Variants in IFRD1 observed in about 807,000 individuals in gnomAD.
The protein encoded by IFRD1 is interferon related developmental regulator 1, also known as interferon-related developmental regulator 1.
Under a neutral mutation model 52.9 loss-of-function variants are expected in IFRD1, and 35 were observed. The ratio of observed to expected loss-of-function variants is 0.66; its 90% CI spans 0.51 to 0.88. The LOEUF (loss-of-function observed/expected upper bound fraction) is 0.88. Ranked by LOEUF, IFRD1 falls within the 40% of genes least tolerant of loss-of-function variation. The pLI is 0.00. For synonymous variants in IFRD1, 184 were observed against 188.4 expected, an observed-to-expected ratio of 0.98 and a Z score of 0.19; for missense variants, 517 against 550.8, an observed-to-expected ratio of 0.94 and a Z score of 0.61.
chr7:112,443,283 C>G (rs1318808626), intron 1 of IFRD1, among the ~76,000 whole-genome samples: 4 of 152,146 alleles, frequency 2.6e-5, no homozygotes, highest in African/African-American at 9.7e-5. Context: ...ACGGAGAAAG[C>G]TGGGAACAAG....
intron 1 of IFRD1, chr7:112,423,543 C>G (rs2117213267): frequency 6.6e-6 from 1 of 152,236 alleles, no homozygotes; most frequent in African/African-American, 2.4e-5. Context: ...ATGCTCTTAA[C>G]CCGGTAAGTG....
At chr7:112,439,996 T>G (rs1290385050) in intron 1 of IFRD1, among the ~76,000 whole-genome samples, 3 of 152,150 alleles carry the variant, frequency 2.0e-5, no homozygotes, top group African/African-American at 7.2e-5. Context: ...AGCCATTTTT[T>G]TTTTTTTGAG....
intron 8 of IFRD1, among the ~76,000 whole-genome samples, chr7:112,466,531 G>A (rs927290792): frequency 2.0e-5 from 3 of 152,058 alleles, no homozygotes; most frequent in Admixed American, 6.6e-5. Flanking sequence ...ACTAGGTGCC[G>A]ATAGCACCCC....
intron 1 of IFRD1, among the ~76,000 whole-genome samples, chr7:112,442,389 C>G (rs1794912226): frequency 6.6e-6 from 1 of 152,172 alleles, no homozygotes; most frequent in Non-Finnish European, 1.5e-5. Flanking sequence ...GAGTACGTGG[C>G]AGGTTACAAA....
intron 9 of IFRD1, 85 bp from the exon 10 acceptor site, chr7:112,472,128 CATGTAT>C: frequency 7.9e-7 from 1 of 1,268,744 alleles, no homozygotes; most frequent in Non-Finnish European, 1.2e-6. Flanking sequence ...TTTATCTCAG[CATGTAT>C]ATGACTGTTT....
At chr7:112,461,758 T>C in intron 5 of IFRD1, 108 bp from the exon 6 acceptor site, 1 of 627,938 alleles carries the variant, frequency 1.6e-6, no homozygotes, top group Non-Finnish European at 2.7e-6. Flanking sequence ...GGACCTAATA[T>C]ATTATGCTGC....
At chr7:112,428,306 G>A (rs924566891) in intron 1 of IFRD1, among the ~76,000 whole-genome samples, 4 of 152,074 alleles carry the variant, frequency 2.6e-5, no homozygotes, top group Non-Finnish European at 5.9e-5. Context: ...AACCAGAAGT[G>A]TGAGATTATC....
chr7:112,451,005 G>T, intron 1 of IFRD1: 2 of 576,432 alleles, frequency 3.5e-6, no homozygotes, highest in Admixed American at 3.0e-5. Context: ...ACCGGCCGTG[G>T]GGGCAGGGAG....
At chr7:112,465,555 A>G (rs939771113) in intron 8 of IFRD1, among the ~76,000 whole-genome samples, 2 of 150,060 alleles carry the variant, frequency 1.3e-5, no homozygotes, top group Non-Finnish European at 3.0e-5. Flanking sequence ...GGCTGTTCAT[A>G]ACAGTAAGAT....
chr7:112,473,218 T>C (rs1035649959), intron 11 of IFRD1, among the ~76,000 whole-genome samples: 5 of 152,184 alleles, frequency 3.3e-5, no homozygotes, highest in African/African-American at 1.2e-4. Context: ...TATGTACATA[T>C]ATATTTTACG....
At chr7:112,474,982 G>A (rs1046897607) in intron 11 of IFRD1, among the ~76,000 whole-genome samples, 4 of 149,464 alleles carry the variant, frequency 2.7e-5, no homozygotes, top group African/African-American at 4.9e-5. Flanking sequence ...TTTTTGAGAC[G>A]GAGTCTCGTT....
Position 112,450,586 on chromosome 7 carries a change from T to G in IFRD1, c.-103T>G. 2 of 876,602 alleles carry G rather than the reference T, an allele frequency of 2.3e-6. No homozygotes were observed. Among genetic ancestry groups the G allele is most frequent in the Non-Finnish European group, 3.8e-6 (2 of 525,956 alleles). The allele number at this position is 876,602 out of a possible 1,614,324, so 54.3% of individuals were successfully genotyped here. ...CTCGACTCTGTTGTTAGCCGAAGAC[T>G]CGCCTCTCAGCCGCCCGCCGCACAG... On this transcript the variant is annotated 5_prime_UTR_variant, in exon 1 of 12. Transcript: ENST00000403825.
chr7:112,449,825 TTGGGG>T (rs56681724), upstream of IFRD1, among the ~76,000 whole-genome samples: 105 of 11,154 alleles, frequency 9.4e-3, no homozygotes, highest in Non-Finnish European at 0.016. Context: ...ATCCCTTTTT[TTGGGG>T]GGGGGGGGGG....
intron 1 of IFRD1, among the ~76,000 whole-genome samples, chr7:112,431,234 G>T (rs1794541719): frequency 6.6e-6 from 1 of 152,112 alleles, no homozygotes; most frequent in Non-Finnish European, 1.5e-5. Context: ...ATTATACGAA[G>T]ACATATACTA....
chr7:112,427,952 G>A (rs1794464000), intron 1 of IFRD1, among the ~76,000 whole-genome samples: 1 of 152,162 alleles, frequency 6.6e-6, no homozygotes, highest in South Asian at 2.1e-4. Flanking sequence ...AGCACTGTAT[G>A]TGTCATTACA....
At chr7:112,465,564 A>G (rs1346871831) in intron 8 of IFRD1, among the ~76,000 whole-genome samples, 1 of 147,178 alleles carries the variant, frequency 6.8e-6, no homozygotes, top group African/African-American at 2.5e-5. Flanking sequence ...TAACAGTAAG[A>G]TCTATAACTT....
At chr7:112,437,784 T>G (rs1794743978) in intron 1 of IFRD1, among the ~76,000 whole-genome samples, 3 of 151,758 alleles carry the variant, frequency 2.0e-5, no homozygotes, top group Admixed American at 2.0e-4. Flanking sequence ...GGAAGATCAT[T>G]CTGATAGCTT....
intron 8 of IFRD1, among the ~76,000 whole-genome samples, chr7:112,465,307 A>G (rs1315796658): frequency 1.3e-5 from 2 of 152,208 alleles, no homozygotes; most frequent in African/African-American, 4.8e-5. Flanking sequence ...TGACTTCTGT[A>G]TAGAAATAAT....
At chr7:112,456,534 T>C (rs968034360) in intron 3 of IFRD1, among the ~76,000 whole-genome samples, 1 of 152,120 alleles carries the variant, frequency 6.6e-6, no homozygotes, top group Non-Finnish European at 1.5e-5. Flanking sequence ...TTAATAGAAT[T>C]AAAAAGCCCT....
Sources: allele counts gnomAD v4.1 joint callset (sites outside exome capture counted in the v4.1 genomes callset), GRCh38; gene constraint gnomAD v4.1.1; transcripts MANE v1.5; gene names NCBI Gene and HGNC (gene_info 2026-07-23, HGNC 2026-07-21).